ADGRV1: variants seen among roughly 807,000 people sequenced by gnomAD.
ADGRV1 encodes the protein G-protein coupled receptor 98.
ADGRV1 carries 359 observed loss-of-function variants against 596.2 expected under a neutral mutation model. That is an observed-to-expected ratio of 0.60 (90% CI 0.55 to 0.66). ADGRV1 has a LOEUF of 0.66. ADGRV1 is among the 30% of genes least tolerant of loss of function. The pLI is 0.00. For missense variants in ADGRV1, 7,274 were observed against 7,575.6 expected (o/e 0.96, Z 1.48); for synonymous variants, 2,681 against 2,679.2 (o/e 1.00, Z -0.02).
intron 21 of ADGRV1, among the ~76,000 whole-genome samples, chr5:90,663,485 T>G (rs912623910): frequency 6.6e-5 from 10 of 151,056 alleles, no homozygotes; most frequent in African/African-American, 2.4e-4. Flanking sequence ...TAAATTTGTT[T>G]GAGTTCATTG....
intron 85 of ADGRV1, among the ~76,000 whole-genome samples, chr5:91,035,316 G>A (rs1330966496): frequency 6.6e-6 from 1 of 152,094 alleles, no homozygotes; most frequent in Admixed American, 6.5e-5. Context: ...TTTGTCTTGA[G>A]GCCCATTCAC....
At chr5:90,972,106 G>T (rs1303692208) in intron 84 of ADGRV1, among the ~76,000 whole-genome samples, 1 of 152,144 alleles carries the variant, frequency 6.6e-6, no homozygotes, top group Admixed American at 6.6e-5. Flanking sequence ...AGACAAAGAA[G>T]GCCATTACAT....
At chr5:90,597,821 A>G (rs961805531) in intron 1 of ADGRV1, among the ~76,000 whole-genome samples, 1 of 152,202 alleles carries the variant, frequency 6.6e-6, no homozygotes, top group Non-Finnish European at 1.5e-5. Context: ...AGAAGCATAG[A>G]TGGTGGGTTA....
intron 9 of ADGRV1, among the ~76,000 whole-genome samples, chr5:90,634,636 C>T (rs1419507498): frequency 6.6e-6 from 1 of 151,942 alleles, no homozygotes; most frequent in East Asian, 1.9e-4. Flanking sequence ...GGATGACTCT[C>T]TGATATTTGG....
At chr5:91,017,348 CA>C (rs373459047) in intron 85 of ADGRV1, among the ~76,000 whole-genome samples, 2,218 of 147,342 alleles carry the variant, frequency 0.015, 35 homozygotes, top group Non-Finnish European at 0.02. Flanking sequence ...AAATAAGCAC[CA>C]AAAAAAAAAT....
At chr5:90,638,090 T>C (rs1766468815) in intron 11 of ADGRV1, 142 bp downstream of exon 11, 2 of 586,918 alleles carry the variant, frequency 3.4e-6, no homozygotes, top group South Asian at 2.7e-5. Context: ...CTTCAGACTT[T>C]TCTGTTATTT....
intron 84 of ADGRV1, among the ~76,000 whole-genome samples, chr5:90,965,981 C>T (rs1581652663): frequency 1.3e-5 from 2 of 152,012 alleles, no homozygotes; most frequent in Non-Finnish European, 2.9e-5. Context: ...ATCATGGTAG[C>T]GTGAACTAAG....
At chr5:90,841,272 A>G (rs1685588669) in intron 78 of ADGRV1, among the ~76,000 whole-genome samples, 1 of 152,148 alleles carries the variant, frequency 6.6e-6, no homozygotes, top group Non-Finnish European at 1.5e-5. Context: ...TGGGAGCTAT[A>G]GGCAGTTGGC....
At chr5:90,817,761 C>A (rs1346501663) in intron 75 of ADGRV1, among the ~76,000 whole-genome samples, 1 of 152,086 alleles carries the variant, frequency 6.6e-6, no homozygotes, top group Non-Finnish European at 1.5e-5. Flanking sequence ...CTGTTCTGTT[C>A]CATTAATCTA....
At chr5:90,587,297 C>T (rs13190272) in intron 1 of ADGRV1, among the ~76,000 whole-genome samples, 10,778 of 152,138 alleles carry the variant, frequency 0.071, 446 homozygotes, top group Non-Finnish European at 0.093. Flanking sequence ...CCCCAGATAC[C>T]AGTCATTCCT....
chr5:90,620,137 A>G (rs1763871112), intron 4 of ADGRV1, among the ~76,000 whole-genome samples: 2 of 152,212 alleles, frequency 1.3e-5, no homozygotes, highest in East Asian at 1.9e-4. Context: ...GGCTGGGTCA[A>G]ATGATATTTC....
At chr5:90,710,434 A>C (rs1749184075) in intron 39 of ADGRV1, among the ~76,000 whole-genome samples, 1 of 152,104 alleles carries the variant, frequency 6.6e-6, no homozygotes, top group African/African-American at 2.4e-5. Context: ...ATAAAAAGGG[A>C]AGATAAGTTT....
At chr5:91,092,920 A>T (rs192099159) in intron 86 of ADGRV1, among the ~76,000 whole-genome samples, 2 of 152,296 alleles carry the variant, frequency 1.3e-5, no homozygotes, top group East Asian at 3.9e-4. Flanking sequence ...CATGTGCCTG[A>T]TGCCCGGCCT....
At chr5:90,598,451 G>T (rs960047009) in intron 1 of ADGRV1, among the ~76,000 whole-genome samples, 1 of 152,242 alleles carries the variant, frequency 6.6e-6, no homozygotes, top group African/African-American at 2.4e-5. Context: ...TAGCACTAAA[G>T]AAATGGCATA....
chr5:90,558,877 GA>G lies in ADGRV1; in HGVS notation c.-18del. 1 of 1,559,970 alleles carries G rather than the reference GA, an allele frequency of 6.4e-7. No homozygotes were observed. Among genetic ancestry groups the G allele is most frequent in the Non-Finnish European group, 8.7e-7 (1 of 1,151,154 alleles). Reference sequence around the variant, plus strand: ...CGAGGGTGTGTGGAGGGCCGGCGGGGACCGCCGGGAGCGCGCGGATGTCGGT... The same window carrying G: ...CGAGGGTGTGTGGAGGGCCGGCGGGGCCGCCGGGAGCGCGCGGATGTCGGT... On this transcript the variant is annotated 5_prime_UTR_variant, in exon 1 of 90. Transcript: ENST00000405460.
chr5:90,620,452 T>C (rs9283789), intron 4 of ADGRV1, among the ~76,000 whole-genome samples: 45,878 of 152,010 alleles, frequency 0.3, 7,845 homozygotes, highest in Admixed American at 0.48. Flanking sequence ...GGAGTATTTT[T>C]TTTCTTGTAA....
At chr5:90,800,530 T>C (rs901071180) in intron 70 of ADGRV1, among the ~76,000 whole-genome samples, 3 of 152,178 alleles carry the variant, frequency 2.0e-5, no homozygotes, top group African/African-American at 7.2e-5. Flanking sequence ...TCCTCAAGGA[T>C]CTAGGACTAG....
In ADGRV1 at chr5:90,683,734, A is replaced by G. The variant is rs752697241; in HGVS notation, c.5813A>G (p.Asp1938Gly). ...SANITVEILPDEDPELDKAFS... is the reference protein window; with the variant it reads ...SANITVEILPGEDPELDKAFS... ...AATATCACTGTGGAGATATTGCCTG[A>G]CGAAGACCCAGAACTGGATAAGGCA... The change falls in exon 28 of 90, where the codon GAC becomes GGC. Residue 1938 changes from aspartate (D) to glycine (G), a missense_variant. Around this residue, in one of 5 missense-constraint regions of ADGRV1, gnomAD observed 3,643 missense variants for 3,809.2 expected, o/e 0.96. Transcript: ENST00000405460. 4 of 1,613,868 alleles carry G rather than the reference A, an allele frequency of 2.5e-6. No individual in the cohort carries two copies. The highest frequency in any genetic ancestry group is 3.4e-6 in the Non-Finnish European group (4 of 1,179,860).
chr5:90,602,734 C>T (rs527605769), intron 1 of ADGRV1, among the ~76,000 whole-genome samples: 63 of 152,240 alleles, frequency 4.1e-4, no homozygotes, highest in Non-Finnish European at 6.2e-4. Context: ...TAGCTAAAAA[C>T]GAAGAAAACT....
Sources: gnomAD v4.1 joint callset for allele counts (sites outside exome capture counted in the v4.1 genomes callset) on GRCh38, gnomAD v4.1.1 for gene constraint, gnomAD v4.1.1 regional missense constraint, MANE v1.5 for transcripts, NCBI Gene and HGNC (gene_info 2026-07-23, HGNC 2026-07-21) for gene names.